The following PHLDB2 variants were observed in gnomAD, a reference collection of about 807,000 sequenced individuals.
The protein encoded by PHLDB2 is pleckstrin homology-like domain family B member 2.
PHLDB2 carries 71 observed loss-of-function variants against 123.6 expected under a neutral mutation model. The observed-to-expected ratio is 0.57, with a 90% CI of 0.47 to 0.70. The LOEUF is 0.70. PHLDB2 is among the 30% of genes least tolerant of loss of function. The pLI, the probability that PHLDB2 is intolerant of heterozygous loss-of-function variation, is 0.00. For missense variants in PHLDB2, 1,446 were observed against 1,519.5 expected (o/e 0.95, Z 0.80); for synonymous variants, 547 against 541.6 (o/e 1.01, Z -0.14).
At chr3:111,927,809 A>G (rs1007988415) in intron 5 of PHLDB2, among the ~76,000 whole-genome samples, 2 of 152,236 alleles carry the variant, frequency 1.3e-5, no homozygotes, top group Non-Finnish European at 2.9e-5. Context: ...GCACACTTAA[A>G]TATGATAAAA....
At chr3:111,909,212 CT>C (rs1392875784) in intron 2 of PHLDB2, among the ~76,000 whole-genome samples, 1 of 152,160 alleles carries the variant, frequency 6.6e-6, no homozygotes, top group African/African-American at 2.4e-5. Context: ...TTTTTGTGTA[CT>C]GTTTACCCAT....
intron 1 of PHLDB2, among the ~76,000 whole-genome samples, chr3:111,768,457 GGT>G (rs1363150102): frequency 1.3e-5 from 2 of 152,170 alleles, no homozygotes; most frequent in African/African-American, 4.8e-5. Context: ...ACTGGTGAGA[GGT>G]GTAGTGCTAA....
chr3:111,787,739 G>A (rs1005470550), intron 1 of PHLDB2, among the ~76,000 whole-genome samples: 24 of 152,104 alleles, frequency 1.6e-4, no homozygotes, highest in Non-Finnish European at 4.4e-5. Flanking sequence ...GCATTCCACA[G>A]CCACGGCCAA....
Position 111,884,503 on chromosome 3 carries a change from C to G in PHLDB2, c.426C>G (p.Leu142=). The change falls in exon 2 of 18, where the codon CTC becomes CTG. Residue 142 remains leucine (L), a synonymous_variant. Transcript: ENST00000431670. ...GGGACAGTGAAAGGGCCTTGAGGCT[C>G]TCAGAGAAGCCTCCCTATTCCAAAT... ...TGRDSERALR[L]SEKPPYSKYS... is the part of the protein sequence containing the mutation. The G allele has an allele frequency of 6.2e-7, 1 of 1,614,102 alleles. No homozygotes were observed. Among genetic ancestry groups the G allele is most frequent in the Non-Finnish European group, 8.5e-7 (1 of 1,179,966 alleles).
intron 1 of PHLDB2, among the ~76,000 whole-genome samples, chr3:111,786,678 A>T (rs896096051): frequency 1.3e-5 from 2 of 152,166 alleles, no homozygotes; most frequent in Admixed American, 1.3e-4. Context: ...CTCCCACCCA[A>T]TGATAAGCAG....
chr3:111,743,788 C>CTT (rs2059641386), intron 1 of PHLDB2, among the ~76,000 whole-genome samples: 3 of 152,180 alleles, frequency 2.0e-5, no homozygotes, highest in African/African-American at 7.2e-5. Context: ...AAACTTTCAT[C>CTT]ATCTTAAGCA....
At chr3:111,899,837 C>T (rs1303687436) in intron 2 of PHLDB2, among the ~76,000 whole-genome samples, 2 of 152,146 alleles carry the variant, frequency 1.3e-5, no homozygotes, top group Non-Finnish European at 2.9e-5. Context: ...AGCTCCCGGC[C>T]TCAAGTGATC....
At chr3:111,971,498 T>A (rs994369481) in intron 16 of PHLDB2, among the ~76,000 whole-genome samples, 43 of 152,162 alleles carry the variant, frequency 2.8e-4, no homozygotes, top group Non-Finnish European at 5.6e-4. Context: ...AACCCTAATT[T>A]AAAAAAACAG....
chr3:111,800,637 G>A (rs1354472465), intron 1 of PHLDB2, among the ~76,000 whole-genome samples: 1 of 152,076 alleles, frequency 6.6e-6, no homozygotes, highest in Non-Finnish European at 1.5e-5. Flanking sequence ...TGGCATTTCT[G>A]AACTTTCATT....
rs1168786768 is a variant in PHLDB2 at position 111,969,887 on chromosome 3, G to A, written c.3513G>A (p.Lys1171=). 1 of 1,613,842 alleles carries A rather than the reference G, an allele frequency of 6.2e-7. No homozygotes were observed. The highest frequency in any genetic ancestry group is 8.5e-7 in the Non-Finnish European group (1 of 1,179,866). The change falls in exon 16 of 18, where the codon AAG becomes AAA. Residue 1171 remains lysine (K), a synonymous_variant. Transcript: ENST00000431670. Reference sequence around the variant, plus strand: ...GTTGGTTTGTTTTTGATCGGAACAAGCGAACATTCTCTTATTATGCAGGTG... The same window carrying A: ...GTTGGTTTGTTTTTGATCGGAACAAACGAACATTCTCTTATTATGCAGGTG... The part of the protein sequence containing the change: ...KKRWFVFDRN[K]RTFSYYADKH...
At chr3:111,888,890 A>G (rs1348659562) in intron 2 of PHLDB2, among the ~76,000 whole-genome samples, 1 of 152,072 alleles carries the variant, frequency 6.6e-6, no homozygotes, top group Non-Finnish European at 1.5e-5. Flanking sequence ...CCCTTTTTGC[A>G]AATCTGCAAT....
chr3:111,834,323 A>G (rs1334538506), intron 1 of PHLDB2, among the ~76,000 whole-genome samples: 1 of 139,980 alleles, frequency 7.1e-6, no homozygotes, highest in East Asian at 2.1e-4. Flanking sequence ...TATTATATAT[A>G]TAATGGCATT....
At chr3:111,824,010 A>C (rs74332451) in intron 1 of PHLDB2, among the ~76,000 whole-genome samples, 2 of 152,198 alleles carry the variant, frequency 1.3e-5, no homozygotes, top group Non-Finnish European at 2.9e-5. Context: ...GTGAGCAAGA[A>C]GTTCTGACAC....
chr3:111,780,400 G>GAAGAAGAAGAAGAAGAAGA (rs1559827492), intron 1 of PHLDB2, among the ~76,000 whole-genome samples: 1 of 18,796 alleles, frequency 5.3e-5, no homozygotes, highest in Non-Finnish European at 2.2e-4. Context: ...AGAAGAAGAA[G>GAAGAAGAAGAAGAAGAAGA]AAGAAGAAGA....
intron 1 of PHLDB2, among the ~76,000 whole-genome samples, chr3:111,785,105 T>G (rs972931647): frequency 2.6e-5 from 4 of 152,202 alleles, no homozygotes; most frequent in African/African-American, 9.6e-5. Context: ...CAAGTATTTG[T>G]CTGCATAGAA....
chr3:111,933,654 C>T lies in PHLDB2; in HGVS notation c.2130+1257C>T, dbSNP rs558958850. On this transcript the variant is annotated intron_variant, in intron 6 of 17. Transcript: ENST00000431670. ...GTTGTAAGAAGATAAAACTTCCTGC[C>T]TCTCAGTCACAATTCTCTGAAAATT... Among the ~76,000 whole-genome samples, 7 of 152,198 alleles carry T rather than the reference C, an allele frequency of 4.6e-5. No individual in the cohort carries two copies. In the East Asian group the frequency reaches 1.2e-3, roughly 25 times the overall value.
intron 1 of PHLDB2, among the ~76,000 whole-genome samples, chr3:111,756,456 G>A (rs1413843452): frequency 6.6e-6 from 1 of 152,152 alleles, no homozygotes; most frequent in East Asian, 1.9e-4. Context: ...TTTTATCAGA[G>A]ACTAGGATTG....
intron 1 of PHLDB2, among the ~76,000 whole-genome samples, chr3:111,784,837 A>G (rs115110454): frequency 0.013 from 1,947 of 152,256 alleles, 26 homozygotes; most frequent in Middle Eastern, 0.02. Flanking sequence ...GTAATGGTCC[A>G]TTACTTGAAC....
At chr3:111,849,995 G>A (rs903892289) in intron 2 of PHLDB2, among the ~76,000 whole-genome samples, 10 of 151,984 alleles carry the variant, frequency 6.6e-5, no homozygotes, top group Admixed American at 4.6e-4. Context: ...CCGAGTAGCT[G>A]GGACTACAGG....
Sources: gnomAD v4.1 joint callset for allele counts (sites outside exome capture counted in the v4.1 genomes callset) on GRCh38, gnomAD v4.1.1 for gene constraint, MANE v1.5 for transcripts, NCBI Gene and HGNC (gene_info 2026-07-23, HGNC 2026-07-21) for gene names.